The following SERPING1 variants were observed in gnomAD, a reference collection of about 807,000 sequenced individuals.
The protein encoded by SERPING1 is plasma protease C1 inhibitor.
SERPING1 carries 5 observed loss-of-function variants against 34.1 expected under a neutral mutation model. The observed-to-expected ratio is 0.15, with a 90% CI of 0.08 to 0.31. The LOEUF (loss-of-function observed/expected upper bound fraction) is 0.31. Among genes scored for constraint, SERPING1 ranks in the 10% least tolerant of loss-of-function variants. The pLI is 1.00. For synonymous variants in SERPING1, 225 were observed against 242.4 expected (o/e 0.93, Z 0.67); for missense variants, 505 against 609.5 (o/e 0.83, Z 1.81).
At chr11:57,603,995 C>CA (rs2135314246) in intron 4 of SERPING1, among the ~76,000 whole-genome samples, 1 of 152,020 alleles carries the variant, frequency 6.6e-6, no homozygotes. Flanking sequence ...GTTAAAAATA[C>CA]AAAAATTAGC....
At chr11:57,599,762 A>G in intron 2 of SERPING1, 117 bp from the exon 3 acceptor site, 1 of 1,447,728 alleles carries the variant, frequency 6.9e-7, no homozygotes, top group Non-Finnish European at 9.6e-7. Flanking sequence ...ACTGTCAGAA[A>G]TTACTCTCTT....
At position 57,598,323 on chromosome 11, in the gene SERPING1, T is replaced by C; in HGVS notation, c.51+2T>C. 6.4e-7 allele frequency: 1 copy of C among 1,559,580 alleles called. No individual in the cohort carries two copies. The highest frequency in any genetic ancestry group is 8.7e-7 in the Non-Finnish European group (1 of 1,154,126). On this transcript the variant is annotated splice_donor_variant, in intron 2 of 7. Coordinates refer to ENST00000278407, the MANE Select transcript of SERPING1 (RefSeq NM_000062.3). LOFTEE classifies it high-confidence loss of function. Reference sequence around the variant, plus strand: ...CTCCTGCTGCTGCTGCTGGCTGGGGTATGTGGTCCCTTGTGGGATGGGGGA... The same window carrying C: ...CTCCTGCTGCTGCTGCTGGCTGGGGCATGTGGTCCCTTGTGGGATGGGGGA...
At chr11:57,607,938 C>T (rs1023442961) in intron 6 of SERPING1, among the ~76,000 whole-genome samples, 2 of 152,218 alleles carry the variant, frequency 1.3e-5, no homozygotes, top group Non-Finnish European at 2.9e-5. Flanking sequence ...GGATTACAGG[C>T]ATGAGCCACA....
chr11:57,602,927 TA>T (rs34858800), intron 4 of SERPING1, among the ~76,000 whole-genome samples: 119 of 138,840 alleles, frequency 8.6e-4, no homozygotes, highest in Middle Eastern at 3.8e-3. Flanking sequence ...CTGTCTCCAT[TA>T]AAAAAAAAAA....
intron 7 of SERPING1, among the ~76,000 whole-genome samples, chr11:57,612,647 G>T (rs1190527435): frequency 1.3e-5 from 2 of 151,958 alleles, no homozygotes; most frequent in Non-Finnish European, 2.9e-5. Context: ...ACAATCTCCG[G>T]ACCTTGTGAT....
At chr11:57,613,882 T>C (rs996232071) in intron 7 of SERPING1, among the ~76,000 whole-genome samples, 3 of 152,060 alleles carry the variant, frequency 2.0e-5, no homozygotes, top group Non-Finnish European at 4.4e-5. Context: ...AGGGATCTAG[T>C]AGCTCTGTGT....
At chr11:57,611,399 A>T (rs1314130683) in intron 6 of SERPING1, 15 of 440,342 alleles carry the variant, frequency 3.4e-5, no homozygotes, top group Non-Finnish European at 5.9e-5. Flanking sequence ...TATATGCACA[A>T]CACATTAGGA....
intron 6 of SERPING1, among the ~76,000 whole-genome samples, chr11:57,608,964 G>C (rs1011915402): frequency 6.6e-6 from 1 of 152,036 alleles, no homozygotes; most frequent in African/African-American, 2.4e-5. Context: ...TTAATTTTAA[G>C]CTGAACTTGC....
chr11:57,609,672 C>T (rs749521260), intron 6 of SERPING1, among the ~76,000 whole-genome samples: 5 of 152,098 alleles, frequency 3.3e-5, no homozygotes, highest in Non-Finnish European at 7.4e-5. Flanking sequence ...TCCTTTAAAC[C>T]ATTTTTTCTA....
intron 1 of SERPING1, 116 bp downstream of exon 1, chr11:57,597,838 T>A (rs925762160): frequency 5.9e-6 from 1 of 168,386 alleles, no homozygotes; most frequent in African/African-American, 2.4e-5. Flanking sequence ...CGGGGGTCTC[T>A]ATAGGCTTGC....
chr11:57,605,880 C>T (rs1368967783), intron 4 of SERPING1, 130 bp from the exon 5 acceptor site: 7 of 897,928 alleles, frequency 7.8e-6, no homozygotes, highest in African/African-American at 3.3e-5. Context: ...TGGGCTGGAC[C>T]GCGCTCCACC....
intron 6 of SERPING1, chr11:57,606,862 G>A: frequency 1.7e-6 from 1 of 592,834 alleles, no homozygotes; most frequent in Non-Finnish European, 3.2e-6. Context: ...AGAAGACTCT[G>A]GTGGCTTAGC....
In SERPING1 at chr11:57,598,312, G is replaced by GCTC. The variant is rs1204572695; in HGVS notation, c.44_45insCCT (p.Leu15dup). 2 of 1,563,848 alleles carry GCTC rather than the reference G, an allele frequency of 1.3e-6. No individual in the cohort carries two copies. The highest frequency in any genetic ancestry group is 4.7e-5 in the East Asian group (2 of 42,698). The stretch of plus-strand genomic sequence containing the variant: ...CCCTGCTGACCCTCCTGCTGCTGCT[G>GCTC]CTGGCTGGGGTATGTGGTCCCTTGT... On this transcript the variant is annotated inframe_insertion, in exon 2 of 8. Coordinates refer to ENST00000278407, the MANE Select transcript of SERPING1 (RefSeq NM_000062.3).
In SERPING1 at chr11:57,611,747, A is replaced by G. The variant is rs1269678586; in HGVS notation, c.1060A>G (p.Ser354Gly). ...VGQLQLSHNL[S>G]LVILVPQNLK... The stretch of plus-strand genomic sequence containing the variant: ...GCAGCTGCAGCTCTCCCACAATCTG[A>G]GTTTGGTGATCCTGGTACCCCAGAA... The change falls in exon 7 of 8, where the codon AGT becomes GGT. Residue 354 changes from serine (S) to glycine (G), a missense_variant. By Grantham distance (56) the Ser-to-Gly change is moderately conservative. Coordinates refer to ENST00000278407, the MANE Select transcript of SERPING1 (RefSeq NM_000062.3). 6.2e-7 allele frequency: 1 copy of G among 1,614,056 alleles called. No individual in the cohort carries two copies.
At chr11:57,608,792 C>T (rs1458964653) in intron 6 of SERPING1, among the ~76,000 whole-genome samples, 2 of 149,318 alleles carry the variant, frequency 1.3e-5, no homozygotes, top group Non-Finnish European at 3.0e-5. Context: ...GCATTACAGG[C>T]GTGAGCCACT....
At chr11:57,600,940 G>A (rs1355443048) in intron 3 of SERPING1, among the ~76,000 whole-genome samples, 34 of 127,334 alleles carry the variant, frequency 2.7e-4, no homozygotes, top group African/African-American at 1.0e-3. Context: ...GACAGAGCGA[G>A]ACTCTGTCTC....
At chr11:57,608,795 G>T (rs1038720402) in intron 6 of SERPING1, among the ~76,000 whole-genome samples, 5 of 150,930 alleles carry the variant, frequency 3.3e-5, no homozygotes, top group African/African-American at 9.7e-5. Flanking sequence ...TTACAGGCGT[G>T]AGCCACTGCA....
intron 2 of SERPING1, 31 bp downstream of exon 2, chr11:57,598,352 G>A: frequency 6.5e-7 from 1 of 1,545,074 alleles, no homozygotes; most frequent in Non-Finnish European, 8.7e-7. Flanking sequence ...TGGGGGACGG[G>A]GGTGGAGACG....
At chr11:57,613,136 T>G (rs1434219819) in intron 7 of SERPING1, among the ~76,000 whole-genome samples, 1 of 152,224 alleles carries the variant, frequency 6.6e-6, no homozygotes, top group Non-Finnish European at 1.5e-5. Context: ...TCCATTTCCT[T>G]GTATATGTCA....
Sources: gnomAD v4.1 joint callset for allele counts (sites outside exome capture counted in the v4.1 genomes callset) on GRCh38, gnomAD v4.1.1 for gene constraint, MANE v1.5 for transcripts, NCBI Gene and HGNC (gene_info 2026-07-23, HGNC 2026-07-21) for gene names.